BRME1: variants seen among roughly 807,000 people sequenced by gnomAD.
The protein encoded by BRME1 is break repair meiotic recombinase recruitment factor 1.
In BRME1, 31 loss-of-function variants were observed where a neutral mutation model predicts 52.6. The observed-to-expected ratio is 0.59, with a 90% CI of 0.44 to 0.80. The LOEUF is 0.80. BRME1 is among the 30% of genes least tolerant of loss of function. BRME1 has a pLI of 0.00. For synonymous variants in BRME1, 359 were observed against 353.6 expected, an observed-to-expected ratio of 1.02 and a Z score of -0.17; for missense variants, 804 against 860.3, an observed-to-expected ratio of 0.93 and a Z score of 0.82.
rs547549645 is a variant in BRME1, at chr19:13,905,719, G to T, written c.-26C>A. On this transcript the variant is annotated 5_prime_UTR_variant, in exon 1 of 9. Coordinates refer to ENST00000586783, the MANE Select transcript of BRME1 (RefSeq NM_001345843.2). ...GCGAGGCAAACCAGAACGGACCTGG[G>T]CCACAGAAGTCGTTGAGGACCCTCT... The T allele has an allele frequency of 6.6e-5, 10 of 152,388 alleles. No individual in the cohort carries two copies. Among genetic ancestry groups the T allele is most frequent in the African/African-American group, 2.4e-4 (10 of 41,574 alleles). The allele number at this position is 152,388 out of a possible 1,614,324, so 9.4% of individuals were successfully genotyped here.
At chr19:13,887,295 G>T (rs535496857) in intron 6 of BRME1, among the ~76,000 whole-genome samples, 2 of 152,364 alleles carry the variant, frequency 1.3e-5, no homozygotes, top group African/African-American at 4.8e-5. Context: ...TGTGTTCCTT[G>T]CCTGGGTCGC....
At position 13,889,973 on chromosome 19, in the gene BRME1, C is replaced by G; in HGVS notation, c.883G>C (p.Ala295Pro). The change falls in exon 6 of 9, where the codon GCC becomes CCC. Residue 295 changes from alanine to proline, a missense_variant. By Grantham distance (27) the Ala-to-Pro change is conservative (BLOSUM62 -1). Transcript: ENST00000586783. The stretch of plus-strand genomic sequence containing the variant: ...GACCCGGGTTCCAGGCACCAAGAGG[C>G]AGGGCCCAGTCCTGGAGCAGGGCCT... ...TSGPAPGLGP[A>P]SWCLEPGSVA... 1 of 1,612,698 alleles carries G rather than the reference C, an allele frequency of 6.2e-7. No individual in the cohort carries two copies. Among genetic ancestry groups the G allele is most frequent in the Non-Finnish European group, 8.5e-7 (1 of 1,179,956 alleles).
intron 2 of BRME1, among the ~76,000 whole-genome samples, chr19:13,899,688 G>A (rs1970165467): frequency 6.6e-6 from 1 of 152,062 alleles, no homozygotes; most frequent in South Asian, 2.1e-4. Flanking sequence ...AAGCTCCGAT[G>A]GACATTGCTT....
Position 13,883,538 on chromosome 19 carries a change from C to T in BRME1, c.1764-138G>A, listed in dbSNP as rs1021243281. On this transcript the variant is annotated intron_variant, in intron 7 of 8. Transcript: ENST00000586783. This position sits in a 1 kb window ranked among gnomAD's most constrained non-coding sequence, Gnocchi z 4.2. ...TGTCCTCCTCTGTTCACGACAGAAC[C>T]CTGATGGCCAACCCAGCTGGCTCCA... is the stretch of plus-strand genomic sequence containing the variant. 3.1e-6 allele frequency: 2 copies of T among 655,272 alleles called. No homozygotes were observed. The highest frequency in any genetic ancestry group is 1.8e-5 in the African/African-American group (1 of 55,294). 40.6% of individuals were successfully genotyped at this position (655,272 alleles called of 1,614,324 possible).
chr19:13,892,668 G>A lies in BRME1; in HGVS notation c.393+118C>T, dbSNP rs1568382480. The A allele has an allele frequency of 5.7e-6, 4 of 697,902 alleles. No individual in the cohort carries two copies. The South Asian group carries it at 6.4e-5, about 11-fold the overall frequency. 43.2% of individuals were successfully genotyped at this position (697,902 alleles called of 1,614,324 possible). Reference sequence around the variant, plus strand: ...TAGCGCAATGTACTGAAAACGGTGGGTGGAGAGGTGCAGGCCTCACCATTG... The same window carrying A: ...TAGCGCAATGTACTGAAAACGGTGGATGGAGAGGTGCAGGCCTCACCATTG... On this transcript the variant is annotated intron_variant, in intron 5 of 8. Coordinates refer to ENST00000586783, the MANE Select transcript of BRME1 (RefSeq NM_001345843.2).
intron 1 of BRME1, among the ~76,000 whole-genome samples, chr19:13,905,456 C>T (rs1160768167): frequency 4.0e-5 from 6 of 149,938 alleles, no homozygotes; most frequent in Non-Finnish European, 7.4e-5. Context: ...TGCAGTGAGC[C>T]GAGATCGCTC....
At chr19:13,889,102 T>A (rs1969251250) in intron 6 of BRME1, 86 bp downstream of exon 6, 1 of 1,279,008 alleles carries the variant, frequency 7.8e-7, no homozygotes, top group Non-Finnish European at 1.1e-6. Flanking sequence ...GCTCCCCCTC[T>A]GCCACTGCAC....
chr19:13,888,436 C>G lies in BRME1; in HGVS notation c.1668+752G>C, dbSNP rs1969197330. On this transcript the variant is annotated intron_variant, in intron 6 of 8. Transcript: ENST00000586783. The surrounding 1 kb of genome is among the most constrained non-coding windows in gnomAD (Gnocchi z 4.1). ...TGTGTGGACAGAGAACTGCCTACCT[C>G]CCTGGGCGTGACTGTGATGCCCTCA... The G allele has an allele frequency of 6.6e-6, 1 of 152,304 alleles. No individual in the cohort carries two copies. The highest frequency in any genetic ancestry group is 1.5e-5 in the Non-Finnish European group (1 of 68,094). The allele number at this position is 152,304 out of a possible 1,614,324, so 9.4% of individuals were successfully genotyped here. A position where few individuals can be genotyped will look rare whatever the true frequency, so the allele number is the denominator to read the frequency against.
At chr19:13,901,142 A>C (rs975359974) in intron 2 of BRME1, among the ~76,000 whole-genome samples, 2 of 150,480 alleles carry the variant, frequency 1.3e-5, no homozygotes, top group Non-Finnish European at 2.9e-5. Context: ...TGGTTAATTA[A>C]AATTTTTTTT....
rs146673836 is a variant in BRME1, at chr19:13,886,901, G to A, written c.1669-846C>T. On this transcript the variant is annotated intron_variant, in intron 6 of 8. Transcript: ENST00000586783. ...ATCAACTGCTTGAGCCCGGGAGGTT[G>A]AGGCTGCAGTGAGCTGTGATTGTGC... Among the ~76,000 whole-genome samples the A allele has an allele frequency of 2.6e-3, 399 of 152,236 alleles. 1 individual carries two copies. The highest frequency in any genetic ancestry group is 9.3e-3 in the African/African-American group (387 of 41,538).
intron 6 of BRME1, 41 bp downstream of exon 6, chr19:13,889,147 T>C (rs2145141140): frequency 6.6e-7 from 1 of 1,511,936 alleles, no homozygotes; most frequent in South Asian, 1.3e-5. Context: ...GTTGGGTGCC[T>C]GCCCTGGGCA....
rs531752884 is a variant in BRME1, at chr19:13,899,558, C to T, written c.32-4012G>A. Among the ~76,000 whole-genome samples the T allele has an allele frequency of 4.6e-5, 7 of 152,270 alleles. No homozygotes were observed. In the South Asian group the frequency reaches 1.4e-3, roughly 32 times the overall value. On this transcript the variant is annotated intron_variant, in intron 2 of 8. Transcript: ENST00000586783. Reference sequence around the variant, plus strand: ...GCTGAGAGAAGCATTTTCCTTTGTCCTCTGACTACAGCTGGAGGATCTCCA... The same window carrying T: ...GCTGAGAGAAGCATTTTCCTTTGTCTTCTGACTACAGCTGGAGGATCTCCA...
chr19:13,905,031 C>A, intron 1 of BRME1, 118 bp from the exon 2 acceptor site: 1 of 789,068 alleles, frequency 1.3e-6, no homozygotes, highest in East Asian at 2.6e-5. Flanking sequence ...TTGGCTGCCC[C>A]AGGGGTCAGA....
intron 1 of BRME1, 84 bp from the exon 2 acceptor site, chr19:13,904,997 A>AC (rs1970577699): frequency 8.7e-7 from 1 of 1,149,572 alleles, no homozygotes; most frequent in Non-Finnish European, 1.3e-6. Flanking sequence ...AGCAGAGGTT[A>AC]CCCCTACCTC....
intron 2 of BRME1, among the ~76,000 whole-genome samples, chr19:13,902,576 C>T (rs1408077652): frequency 2.7e-5 from 4 of 150,882 alleles, no homozygotes; most frequent in East Asian, 3.9e-4. Context: ...GCAGAGGTTG[C>T]GGTGAGCCGA....
rs62622787 is a variant in BRME1 at position 13,893,156 on chromosome 19, G to C, written c.274C>G (p.Leu92Val). 96,097 of 1,596,492 alleles carry C rather than the reference G, an allele frequency of 0.06. 3,330 individuals are homozygous for C. Among genetic ancestry groups the C allele is most frequent in the Non-Finnish European group, 0.069 (80,607 of 1,172,338 alleles). Residue 92 changes from leucine to valine, a missense_variant, in exon 4 of 9, where the codon CTT (leucine) becomes GTT (valine). This residue lies in a region of BRME1 where 234 missense variants were observed against 258.1 expected (regional missense o/e 0.91). Transcript: ENST00000586783. ...GACGAGCTCACCTGGGAAGGAGGAAGGGGAGCTGGCTCCTTTTCTGGTTGA... is the reference window on the plus strand; with the variant it reads ...GACGAGCTCACCTGGGAAGGAGGAACGGGAGCTGGCTCCTTTTCTGGTTGA... Reference protein sequence around the residue: ...LRQPEKEPAPLPPSQNSFGRF... With the variant: ...LRQPEKEPAPVPPSQNSFGRF...
intron 2 of BRME1, among the ~76,000 whole-genome samples, chr19:13,904,359 G>A (rs1427463182): frequency 2.0e-5 from 3 of 152,088 alleles, no homozygotes; most frequent in South Asian, 2.1e-4. Context: ...CGCCCACCTC[G>A]GCCTCCCAAA....
At chr19:13,882,980 G>A in intron 8 of BRME1, 28 bp from the exon 9 acceptor site, 1 of 1,601,754 alleles carries the variant, frequency 6.2e-7, no homozygotes, top group Non-Finnish European at 8.5e-7. Flanking sequence ...GCATGCGTGT[G>A]GGGCTCAGTG....
intron 2 of BRME1, among the ~76,000 whole-genome samples, chr19:13,904,072 C>G (rs937980434): frequency 7.9e-5 from 12 of 152,092 alleles, no homozygotes; most frequent in Non-Finnish European, 1.3e-4. Flanking sequence ...TTTTACTTTT[C>G]CTGTATGCCC....
Sources: allele counts gnomAD v4.1 joint callset (sites outside exome capture counted in the v4.1 genomes callset), GRCh38; gene constraint gnomAD v4.1.1; regional missense constraint gnomAD v4.1.1; non-coding constraint Gnocchi (gnomAD v3.1); transcripts MANE v1.5; gene names NCBI Gene and HGNC (gene_info 2026-07-23, HGNC 2026-07-21).